The following RALGAPA2 variants were observed in gnomAD, a reference collection of about 807,000 sequenced individuals.
RALGAPA2 encodes the protein Ral GTPase activating protein catalytic subunit alpha 2.
Under a neutral mutation model 230.4 loss-of-function variants are expected in RALGAPA2, and 139 were observed. That is an observed-to-expected ratio of 0.60 (90% CI 0.53 to 0.69). RALGAPA2 has a LOEUF of 0.69. Ranked by LOEUF, RALGAPA2 falls within the 30% of genes least tolerant of loss-of-function variation. The probability of loss-of-function intolerance (pLI) is 0.00; values close to 1 mark genes in which losing one functional copy is unlikely to be tolerated. For missense variants in RALGAPA2, 2,163 were observed against 2,276.0 expected (o/e 0.95, Z 1.01); for synonymous variants, 847 against 837.8 (o/e 1.01, Z -0.19).
In RALGAPA2 at chr20:20,571,601, G is replaced by A; in HGVS notation, c.3013C>T (p.Pro1005Ser). Reference protein sequence around the residue: ...ASWLFKAATLPNEYKEGKLQA... With the variant: ...ASWLFKAATLSNEYKEGKLQA... ...AGTTTGCCTTCCTTATATTCATTTG[G>A]CAGTGTCGCCGCCTGTCAAGGAGAT... Residue 1005 changes from proline to serine, a missense_variant, in exon 23 of 40, where the codon CCA (proline) becomes TCA (serine). Pro to Ser is a moderately conservative substitution (Grantham distance 74). Transcript: ENST00000202677. 1 of 1,610,316 alleles carries A rather than the reference G, an allele frequency of 6.2e-7. No homozygotes were observed. Among genetic ancestry groups the A allele is most frequent in the Non-Finnish European group, 8.5e-7 (1 of 1,178,274 alleles).
intron 3 of RALGAPA2, among the ~76,000 whole-genome samples, chr20:20,664,169 C>T (rs2067879987): frequency 6.6e-6 from 1 of 152,108 alleles, no homozygotes; most frequent in Non-Finnish European, 1.5e-5. Flanking sequence ...TGGTTGACCA[C>T]GAGTAACCAA....
chr20:20,411,904 A>C, intron 38 of RALGAPA2, 123 bp downstream of exon 38: 1 of 1,265,992 alleles, frequency 7.9e-7, no homozygotes, highest in Non-Finnish European at 1.1e-6. Flanking sequence ...GATATTCATT[A>C]GTTGATTCAG....
chr20:20,402,131 G>A (rs759162274), intron 38 of RALGAPA2, among the ~76,000 whole-genome samples: 10 of 152,308 alleles, frequency 6.6e-5, no homozygotes, highest in South Asian at 4.1e-4. Flanking sequence ...CTAAGTGCTC[G>A]AGCTCTGGTC....
intron 1 of RALGAPA2, among the ~76,000 whole-genome samples, chr20:20,693,601 TTTACA>T (rs1362488367): frequency 1.3e-5 from 2 of 152,146 alleles, no homozygotes; most frequent in African/African-American, 2.4e-5. Context: ...GAGGAGAGTG[TTTACA>T]GCTGTCGAAT....
intron 37 of RALGAPA2, among the ~76,000 whole-genome samples, chr20:20,435,675 T>C (rs1342230975): frequency 2.0e-5 from 3 of 152,042 alleles, no homozygotes; most frequent in South Asian, 2.1e-4. Flanking sequence ...TGTGGCACAG[T>C]GTGATTTTTA....
intron 38 of RALGAPA2, among the ~76,000 whole-genome samples, chr20:20,404,374 T>G (rs959898929): frequency 6.6e-6 from 1 of 152,200 alleles, no homozygotes. Context: ...GTACAAAATA[T>G]TCTTTCTTCT....
intron 37 of RALGAPA2, among the ~76,000 whole-genome samples, chr20:20,430,969 G>GGA (rs2060489632): frequency 6.6e-6 from 1 of 151,884 alleles, no homozygotes; most frequent in Non-Finnish European, 1.5e-5. Context: ...TGATATGACA[G>GGA]GAATGACTTT....
chr20:20,633,398 G>C (rs954861161), intron 9 of RALGAPA2, among the ~76,000 whole-genome samples: 1 of 152,210 alleles, frequency 6.6e-6, no homozygotes, highest in Non-Finnish European at 1.5e-5. Flanking sequence ...GCCTCCCAAA[G>C]TGCTGGGATT....
intron 37 of RALGAPA2, among the ~76,000 whole-genome samples, chr20:20,426,709 C>T (rs574317218): frequency 2.0e-5 from 3 of 152,304 alleles, no homozygotes; most frequent in South Asian, 2.1e-4. Flanking sequence ...TGCCCTTTTA[C>T]GAATGCACCT....
intron 27 of RALGAPA2, among the ~76,000 whole-genome samples, chr20:20,526,564 A>C (rs573993065): frequency 4.6e-5 from 7 of 152,102 alleles, no homozygotes; most frequent in Non-Finnish European, 8.8e-5. Context: ...CTCTAGCCTC[A>C]CTGTGTTAAT....
At chr20:20,450,754 C>T (rs2060970282) in intron 37 of RALGAPA2, among the ~76,000 whole-genome samples, 1 of 152,254 alleles carries the variant, frequency 6.6e-6, no homozygotes, top group East Asian at 1.9e-4. Context: ...TCAGCCTGCG[C>T]TTTTGCACAT....
rs1006404759 is a variant in RALGAPA2 at position 20,460,830 on chromosome 20, A to G, written c.5495+11999T>C. ...AACTCCAAAGCATGACTGACCTGCTACCTTATTGAATCTTGATGACCTAAA... is the reference window on the plus strand; with the variant it reads ...AACTCCAAAGCATGACTGACCTGCTGCCTTATTGAATCTTGATGACCTAAA... On this transcript the variant is annotated intron_variant, in intron 37 of 39. Transcript: ENST00000202677. 1.2e-4 allele frequency among the ~76,000 whole-genome samples: 18 copies of G among 152,348 alleles called. 1 individual carries two copies. Among genetic ancestry groups the G allele is most frequent in the African/African-American group, 4.3e-4 (18 of 41,586 alleles).
chr20:20,711,473 T>C (rs1189497289), intron 1 of RALGAPA2, among the ~76,000 whole-genome samples: 1 of 152,114 alleles, frequency 6.6e-6, no homozygotes, highest in Non-Finnish European at 1.5e-5. Context: ...AGACTTAGGA[T>C]GTAAAAAAAT....
At chr20:20,440,367 G>C (rs1037280374) in intron 37 of RALGAPA2, among the ~76,000 whole-genome samples, 2 of 152,208 alleles carry the variant, frequency 1.3e-5, no homozygotes, top group Non-Finnish European at 1.5e-5. Flanking sequence ...AGTGGTCACT[G>C]AGTATTTAAG....
At chr20:20,705,008 C>T (rs2069538956) in intron 1 of RALGAPA2, among the ~76,000 whole-genome samples, 1 of 152,246 alleles carries the variant, frequency 6.6e-6, no homozygotes, top group Admixed American at 6.5e-5. Context: ...TGCTGTTCCT[C>T]CTCTGCACCT....
rs561893645 is a variant in RALGAPA2, at chr20:20,633,881, A to G, written c.1005+1537T>C. On this transcript the variant is annotated intron_variant, in intron 9 of 39. Coordinates refer to ENST00000202677, the MANE Select transcript of RALGAPA2 (RefSeq NM_020343.4). ...GGTTCTAGCCAACTATTCCAATACC[A>G]TTAATTAATGATTCTTTCTTTTAAT... Among the ~76,000 whole-genome samples, 34 of 152,348 alleles carry G rather than the reference A, an allele frequency of 2.2e-4. No homozygotes were observed. The South Asian group carries it at 6.2e-3, about 28-fold the overall frequency.
chr20:20,470,512 G>GGAGT (rs1467089083), intron 37 of RALGAPA2, among the ~76,000 whole-genome samples: 1 of 152,114 alleles, frequency 6.6e-6, no homozygotes, highest in Non-Finnish European at 1.5e-5. Context: ...AAGTGGGGAG[G>GGAGT]GAGTGTAGGG....
chr20:20,396,563 C>T lies in RALGAPA2; in HGVS notation c.*35+132G>A, dbSNP rs567874961. The T allele has an allele frequency of 1.3e-5, 10 of 791,382 alleles. No individual in the cohort carries two copies. The East Asian group carries it at 2.1e-4, about 17-fold the overall frequency. 49.0% of individuals were successfully genotyped at this position (791,382 alleles called of 1,614,324 possible). ...GGGGCAGGAGTGTGGGCAGGGCCCC[C>T]GGGGAGGGGAAGGCCCAGGAGGGCG... is the stretch of plus-strand genomic sequence containing the variant. On this transcript the variant is annotated intron_variant, in intron 39 of 39. Transcript: ENST00000202677.
At chr20:20,591,378 TAAAAC>T in intron 16 of RALGAPA2, 64 bp from the exon 17 acceptor site, 2 of 1,494,634 alleles carry the variant, frequency 1.3e-6, no homozygotes, top group Non-Finnish European at 1.8e-6. Flanking sequence ...ATTCACCACT[TAAAAC>T]AACCGATTTA....
Sources: gnomAD v4.1 joint callset for allele counts (sites outside exome capture counted in the v4.1 genomes callset) on GRCh38, gnomAD v4.1.1 for gene constraint, MANE v1.5 for transcripts, NCBI Gene and HGNC (gene_info 2026-07-23, HGNC 2026-07-21) for gene names.